The following KIF3B variants were observed in gnomAD, a reference collection of about 807,000 sequenced individuals.
KIF3B encodes the protein kinesin-like protein KIF3B.
Under a neutral mutation model 74.3 loss-of-function variants are expected in KIF3B, and 38 were observed. The observed-to-expected ratio is 0.51, with a 90% CI of 0.39 to 0.67. KIF3B has a LOEUF of 0.67. Among genes scored for constraint, KIF3B ranks in the 30% least tolerant of loss-of-function variants. KIF3B has a pLI of 0.00. For missense variants in KIF3B, 649 were observed against 932.0 expected, an observed-to-expected ratio of 0.70 and a Z score of 3.95; for synonymous variants, 326 against 342.5, an observed-to-expected ratio of 0.95 and a Z score of 0.53.
chr20:32,283,716 G>A (rs563747008), intron 1 of KIF3B, among the ~76,000 whole-genome samples: 38 of 148,438 alleles, frequency 2.6e-4, no homozygotes, highest in African/African-American at 8.5e-4. Flanking sequence ...AGGCTGAGGC[G>A]GGAGAATCGC....
intron 1 of KIF3B, among the ~76,000 whole-genome samples, chr20:32,279,123 A>G (rs955819298): frequency 2.0e-5 from 3 of 151,960 alleles, no homozygotes; most frequent in African/African-American, 7.3e-5. Flanking sequence ...AGGTTTCACC[A>G]TGTTGGCCTG....
At chr20:32,282,667 T>G (rs1326078666) in intron 1 of KIF3B, among the ~76,000 whole-genome samples, 1 of 152,226 alleles carries the variant, frequency 6.6e-6, no homozygotes, top group Non-Finnish European at 1.5e-5. Flanking sequence ...GGCATTGCAG[T>G]GCTGACTCGG....
At chr20:32,316,486 A>C in intron 3 of KIF3B, 41 bp from the exon 4 acceptor site, 1 of 1,612,464 alleles carries the variant, frequency 6.2e-7, no homozygotes, top group African/African-American at 1.3e-5. Flanking sequence ...GCATAGACAC[A>C]GTCTCTAGGG....
intron 1 of KIF3B, among the ~76,000 whole-genome samples, chr20:32,291,200 T>A (rs1463619757): frequency 2.6e-5 from 4 of 152,214 alleles, no homozygotes; most frequent in Admixed American, 2.0e-4. Context: ...TGAATATAGT[T>A]AACACTACTG....
chr20:32,314,701 A>G (rs1219076371), intron 2 of KIF3B, among the ~76,000 whole-genome samples: 1 of 152,150 alleles, frequency 6.6e-6, no homozygotes, highest in African/African-American at 2.4e-5. Flanking sequence ...AGTTTCTTAA[A>G]AGTTGTGCAG....
At chr20:32,317,015 C>A in intron 5 of KIF3B, 141 bp downstream of exon 5, 1 of 660,506 alleles carries the variant, frequency 1.5e-6, no homozygotes, top group Non-Finnish European at 2.8e-6. Context: ...GCGGGCAGAT[C>A]ACCTGATGTC....
At chr20:32,325,637 TTA>T (rs1261549996) in intron 5 of KIF3B, among the ~76,000 whole-genome samples, 5 of 150,072 alleles carry the variant, frequency 3.3e-5, no homozygotes, top group Non-Finnish European at 7.4e-5. Flanking sequence ...ATTTTCATTA[TTA>T]TCTCTCTCTC....
intron 1 of KIF3B, among the ~76,000 whole-genome samples, chr20:32,290,382 AAAAC>A (rs1294356878): frequency 6.6e-6 from 1 of 152,006 alleles, no homozygotes; most frequent in Non-Finnish European, 1.5e-5. Context: ...CTCCATCTCA[AAAAC>A]AAACAAACAA....
Position 32,317,294 on chromosome 20 carries a change from T to C in KIF3B, c.1748+420T>C, listed in dbSNP as rs1389112591. On this transcript the variant is annotated intron_variant, in intron 5 of 8. Transcript: ENST00000375712. Reference sequence around the variant, plus strand: ...CTCCAGCTCATCTCCTGCCACCCCATGTTCTGTTCATTCCTGAAAAAGTCA... The same window carrying C: ...CTCCAGCTCATCTCCTGCCACCCCACGTTCTGTTCATTCCTGAAAAAGTCA... Among the ~76,000 whole-genome samples the C allele has an allele frequency of 2.0e-5, 3 of 152,138 alleles. No individual in the cohort carries two copies. The East Asian group carries it at 5.8e-4, about 29-fold the overall frequency.
At chr20:32,312,345 T>G (rs2047805344) in intron 2 of KIF3B, among the ~76,000 whole-genome samples, 1 of 151,986 alleles carries the variant, frequency 6.6e-6, no homozygotes, top group Non-Finnish European at 1.5e-5. Flanking sequence ...GCTCGAATGA[T>G]TCTCCCACCT....
intron 1 of KIF3B, among the ~76,000 whole-genome samples, chr20:32,284,964 G>A (rs1349618790): frequency 4.6e-5 from 7 of 152,132 alleles, no homozygotes; most frequent in Non-Finnish European, 1.5e-5. Context: ...GACATCTGCT[G>A]ACTCCAAGTC....
In KIF3B at chr20:32,278,921, CTTTTTTT is replaced by C. The variant is rs57355936; in HGVS notation, c.-66+1170_-66+1176del. Reference sequence around the variant, plus strand: ...AAAGGGAAGGACCTGCTTAAGAATCCTTTTTTTTTTTTTTTTTTTTGAGACAGAGTCT... The same window carrying C: ...AAAGGGAAGGACCTGCTTAAGAATCCTTTTTTTTTTTTTGAGACAGAGTCT... On this transcript the variant is annotated intron_variant, in intron 1 of 8. Coordinates refer to ENST00000375712, the MANE Select transcript of KIF3B (RefSeq NM_004798.4). Among the ~76,000 whole-genome samples the C allele has an allele frequency of 4.6e-3, 540 of 118,410 alleles. 3 individuals carry two copies. The highest frequency in any genetic ancestry group is 0.016 in the African/African-American group (513 of 32,202). 77.7% of individuals were successfully genotyped at this position (118,410 alleles called of 152,430 possible). A position where few individuals can be genotyped will look rare whatever the true frequency, so the allele number is the denominator to read the frequency against.
At chr20:32,278,714 A>G (rs993371201) in intron 1 of KIF3B, among the ~76,000 whole-genome samples, 1 of 152,156 alleles carries the variant, frequency 6.6e-6, no homozygotes, top group Non-Finnish European at 1.5e-5. Flanking sequence ...CCCTTCCAGA[A>G]GAAAAAAGGC....
chr20:32,289,868 C>G (rs2122659976), intron 1 of KIF3B, among the ~76,000 whole-genome samples: 1 of 152,260 alleles, frequency 6.6e-6, no homozygotes, highest in Admixed American at 6.5e-5. Context: ...CTGGTTTCAG[C>G]TTGCTTTGCC....
At chr20:32,327,982 T>TC (rs2047912395) in intron 7 of KIF3B, among the ~76,000 whole-genome samples, 1 of 151,922 alleles carries the variant, frequency 6.6e-6, no homozygotes, top group South Asian at 2.1e-4. Flanking sequence ...GTGCCTGTAG[T>TC]CCCAGCTACT....
At chr20:32,290,813 A>G (rs1172700486) in intron 1 of KIF3B, among the ~76,000 whole-genome samples, 1 of 151,816 alleles carries the variant, frequency 6.6e-6, no homozygotes, top group Non-Finnish European at 1.5e-5. Flanking sequence ...TAGGAGTTCA[A>G]GGATGCAGTG....
At chr20:32,314,683 G>T (rs2047818378) in intron 2 of KIF3B, among the ~76,000 whole-genome samples, 1 of 152,190 alleles carries the variant, frequency 6.6e-6, no homozygotes, top group Non-Finnish European at 1.5e-5. Flanking sequence ...GCTCCAGTGA[G>T]GTTTATAAGT....
intron 5 of KIF3B, among the ~76,000 whole-genome samples, chr20:32,326,546 T>C (rs1478892140): frequency 6.6e-6 from 1 of 152,194 alleles, no homozygotes; most frequent in Non-Finnish European, 1.5e-5. Flanking sequence ...GTACCTATTA[T>C]ACCTAACAGG....
intron 1 of KIF3B, among the ~76,000 whole-genome samples, chr20:32,285,576 A>C (rs991620496): frequency 6.6e-6 from 1 of 152,190 alleles, no homozygotes; most frequent in African/African-American, 2.4e-5. Context: ...AACTGGGTAA[A>C]GGCAGGATTC....
Sources: gnomAD v4.1 joint callset for allele counts (sites outside exome capture counted in the v4.1 genomes callset) on GRCh38, gnomAD v4.1.1 for gene constraint, MANE v1.5 for transcripts, NCBI Gene and HGNC (gene_info 2026-07-23, HGNC 2026-07-21) for gene names.